The following GRM8 variants were observed in gnomAD, a reference collection of about 807,000 sequenced individuals.
The protein encoded by GRM8 is glutamate metabotropic receptor 8, also known as metabotropic glutamate receptor 8.
Under a neutral mutation model 87.2 loss-of-function variants are expected in GRM8, and 47 were observed. That is an observed-to-expected ratio of 0.54 (90% CI 0.43 to 0.69). GRM8 has a LOEUF of 0.69. GRM8 is among the 30% of genes least tolerant of loss of function. The probability of loss-of-function intolerance (pLI) is 0.00; values close to 1 mark genes in which losing one functional copy is unlikely to be tolerated. For synonymous variants in GRM8, 396 were observed against 404.5 expected, an observed-to-expected ratio of 0.98 and a Z score of 0.25; for missense variants, 1,019 against 1,139.2, an observed-to-expected ratio of 0.89 and a Z score of 1.52.
intron 2 of GRM8, among the ~76,000 whole-genome samples, chr7:127,111,969 A>T (rs1367860472): frequency 6.6e-6 from 1 of 152,060 alleles, no homozygotes; most frequent in Non-Finnish European, 1.5e-5. Flanking sequence ...CAGAGGTTGC[A>T]GGGAGCCGAA....
chr7:126,738,911 C>T lies in GRM8; in HGVS notation c.1357+30954G>A, dbSNP rs1302816494. Among the ~76,000 whole-genome samples, 4 of 151,954 alleles carry T rather than the reference C, an allele frequency of 2.6e-5. No homozygotes were observed. In the South Asian group the frequency reaches 8.3e-4, roughly 32 times the overall value. ...GATCCACAGATGTTGATGAAAAACT[C>T]CAAGAAGGTTAAGTGTCTCAGATGC... On this transcript the variant is annotated intron_variant, in intron 7 of 10. Transcript: ENST00000339582.
At chr7:127,165,274 G>A (rs973806215) in intron 2 of GRM8, among the ~76,000 whole-genome samples, 28 of 148,764 alleles carry the variant, frequency 1.9e-4, no homozygotes, top group Non-Finnish European at 2.8e-4. Context: ...TGGTACAGTG[G>A]ACTGGGATGC....
intron 2 of GRM8, among the ~76,000 whole-genome samples, chr7:127,160,218 CA>C (rs1300351013): frequency 6.6e-6 from 1 of 151,860 alleles, no homozygotes; most frequent in Non-Finnish European, 1.5e-5. Context: ...CCCCTCCTTG[CA>C]AAAAAGGAGG....
rs56742825 is a variant in GRM8 at position 126,585,491 on chromosome 7, A to T, written c.1494+23871T>A. 7.9e-3 allele frequency among the ~76,000 whole-genome samples: 1,207 copies of T among 152,280 alleles called. 10 individuals carry two copies. The highest frequency in any genetic ancestry group is 0.031 in the Middle Eastern group (9 of 294). On this transcript the variant is annotated intron_variant, in intron 8 of 10. Transcript: ENST00000339582. Reference sequence around the variant, plus strand: ...CAATTCTTCAATAAACTAACATTAGAAACAGGATAATTAGTTGCCTGAGTT... The same window carrying T: ...CAATTCTTCAATAAACTAACATTAGTAACAGGATAATTAGTTGCCTGAGTT...
intron 2 of GRM8, among the ~76,000 whole-genome samples, chr7:127,193,746 C>G (rs1245263229): frequency 6.6e-6 from 1 of 152,210 alleles, no homozygotes; most frequent in Non-Finnish European, 1.5e-5. Context: ...AATACTCTCA[C>G]AGTTTAGGAA....
At chr7:126,488,791 T>TATA (rs536666934) in intron 9 of GRM8, among the ~76,000 whole-genome samples, 228 of 152,144 alleles carry the variant, frequency 1.5e-3, no homozygotes, top group Non-Finnish European at 2.8e-3. Context: ...CTGACTTTGC[T>TATA]ATAGTATTCT....
intron 2 of GRM8, among the ~76,000 whole-genome samples, chr7:127,179,280 G>A (rs1220047382): frequency 6.6e-6 from 1 of 152,124 alleles, no homozygotes. Flanking sequence ...AATGGTAAAA[G>A]GCCTTGTCCC....
chr7:126,729,232 A>G (rs1813339117), intron 7 of GRM8, among the ~76,000 whole-genome samples: 1 of 152,144 alleles, frequency 6.6e-6, no homozygotes, highest in African/African-American at 2.4e-5. Flanking sequence ...TCACCATTCC[A>G]GAGTGCTCTG....
chr7:126,567,362 A>G lies in GRM8; in HGVS notation c.1495-33475T>C, dbSNP rs896697091. Among the ~76,000 whole-genome samples, 3 of 150,664 alleles carry G rather than the reference A, an allele frequency of 2.0e-5. No individual in the cohort carries two copies. In the South Asian group the frequency reaches 6.3e-4, roughly 32 times the overall value. On this transcript the variant is annotated intron_variant, in intron 8 of 10. Coordinates refer to ENST00000339582, the MANE Select transcript of GRM8 (RefSeq NM_000845.3). ...TCATAGGTGGGAATTGAACAATGAG[A>G]ACACATGGACACAGGAAGGGGAACA... is the stretch of plus-strand genomic sequence containing the variant.
intron 6 of GRM8, among the ~76,000 whole-genome samples, chr7:126,899,529 C>A (rs1460456635): frequency 6.6e-6 from 1 of 152,142 alleles, no homozygotes; most frequent in Non-Finnish European, 1.5e-5. Flanking sequence ...AACTTACATA[C>A]ATTTTCTGAA....
At chr7:127,033,746 C>A (rs1817599719) in intron 3 of GRM8, among the ~76,000 whole-genome samples, 1 of 152,042 alleles carries the variant, frequency 6.6e-6, no homozygotes, top group South Asian at 2.1e-4. Flanking sequence ...AGTATTAAAC[C>A]ACAACTCCTA....
chr7:126,626,456 T>C lies in GRM8; in HGVS notation c.1358-16958A>G, dbSNP rs961109628. 8.5e-5 allele frequency among the ~76,000 whole-genome samples: 13 copies of C among 152,270 alleles called. No homozygotes were observed. In the South Asian group the frequency reaches 1.2e-3, roughly 15 times the overall value. The stretch of plus-strand genomic sequence containing the variant: ...ATACAATTTCACTTTTTTTCTATAT[T>C]GGTAGCCATTTTTTCAGTTCTTTTT... On this transcript the variant is annotated intron_variant, in intron 7 of 10. Coordinates refer to ENST00000339582, the MANE Select transcript of GRM8 (RefSeq NM_000845.3).
At chr7:126,940,775 C>T in intron 3 of GRM8, among the ~76,000 whole-genome samples, 1 of 152,086 alleles carries the variant, frequency 6.6e-6, no homozygotes, top group East Asian at 1.9e-4. Flanking sequence ...TGTTGTTGTT[C>T]CTTCTCTTCC....
intron 7 of GRM8, among the ~76,000 whole-genome samples, chr7:126,702,547 T>C (rs1351007252): frequency 6.6e-6 from 1 of 152,196 alleles, no homozygotes; most frequent in East Asian, 1.9e-4. Flanking sequence ...TCCAGTCTCC[T>C]TATTGTCAGA....
chr7:127,110,816 G>A (rs1826279225), intron 2 of GRM8, among the ~76,000 whole-genome samples: 1 of 152,096 alleles, frequency 6.6e-6, no homozygotes, highest in African/African-American at 2.4e-5. Context: ...CCAACATGGA[G>A]GGGGAAAGAA....
At chr7:127,216,106 G>A (rs1024026890) in intron 2 of GRM8, among the ~76,000 whole-genome samples, 2 of 152,102 alleles carry the variant, frequency 1.3e-5, no homozygotes, top group African/African-American at 4.8e-5. Context: ...AAAGTGCTAG[G>A]CAAACAAAAG....
At chr7:127,077,901 A>C (rs569667399) in intron 3 of GRM8, among the ~76,000 whole-genome samples, 1 of 152,300 alleles carries the variant, frequency 6.6e-6, no homozygotes, top group Admixed American at 6.5e-5. Context: ...CAATATCTCA[A>C]GACATTTTTG....
intron 9 of GRM8, among the ~76,000 whole-genome samples, chr7:126,521,134 T>C (rs1236226762): frequency 6.6e-6 from 1 of 152,150 alleles, no homozygotes; most frequent in Non-Finnish European, 1.5e-5. Context: ...GAGAAACATA[T>C]GACATTTAAT....
At chr7:126,527,713 A>G (rs1814080194) in intron 9 of GRM8, among the ~76,000 whole-genome samples, 1 of 152,222 alleles carries the variant, frequency 6.6e-6, no homozygotes, top group South Asian at 2.1e-4. Context: ...AAATTATAAT[A>G]CAAAGATTTC....
Sources: allele counts gnomAD v4.1 joint callset (sites outside exome capture counted in the v4.1 genomes callset), GRCh38; gene constraint gnomAD v4.1.1; transcripts MANE v1.5; gene names NCBI Gene and HGNC (gene_info 2026-07-23, HGNC 2026-07-21).